Variants in TMOD2 observed in about 807,000 individuals in gnomAD.
TMOD2 encodes tropomodulin-2.
Under a neutral mutation model 39.9 loss-of-function variants are expected in TMOD2, and 22 were observed. That is an observed-to-expected ratio of 0.55 (90% CI 0.39 to 0.79). The LOEUF (loss-of-function observed/expected upper bound fraction) is 0.79, where lower values mean the gene tolerates loss of function less well. TMOD2 is among the 30% of genes least tolerant of loss of function. The pLI is 0.00. For missense variants in TMOD2, 386 were observed against 413.3 expected (o/e 0.93, Z 0.57); for synonymous variants, 123 against 146.1 (o/e 0.84, Z 1.14).
chr15:51,766,721 A>G, intron 2 of TMOD2, 154 bp downstream of exon 2: 1 of 756,832 alleles, frequency 1.3e-6, no homozygotes, highest in Non-Finnish European at 2.1e-6. Context: ...TTACAAATTC[A>G]TAGAGAACCT....
intron 5 of TMOD2, among the ~76,000 whole-genome samples, chr15:51,780,560 C>T (rs917557473): frequency 5.3e-5 from 8 of 151,874 alleles, no homozygotes; most frequent in African/African-American, 1.9e-4. Flanking sequence ...CTTTTTTATC[C>T]CTTTCTCTCC....
At chr15:51,757,743 T>G (rs1595860277) in intron 1 of TMOD2, among the ~76,000 whole-genome samples, 1 of 152,150 alleles carries the variant, frequency 6.6e-6, no homozygotes, top group Non-Finnish European at 1.5e-5. Context: ...TGGGAGCCCT[T>G]GGGCAGCCTT....
At chr15:51,781,229 T>TA in intron 6 of TMOD2, 55 bp downstream of exon 6, 1 of 1,507,702 alleles carries the variant, frequency 6.6e-7, no homozygotes, top group Non-Finnish European at 8.9e-7. Context: ...TCAGAAAACT[T>TA]ACCAGAGATG....
chr15:51,799,507 T>C (rs1288114872), intron 8 of TMOD2, among the ~76,000 whole-genome samples: 2 of 135,176 alleles, frequency 1.5e-5, no homozygotes, highest in Non-Finnish European at 3.3e-5. Context: ...TGATGTTTGT[T>C]GCCAGGGGAA....
At chr15:51,757,702 C>T (rs897930702) in intron 1 of TMOD2, among the ~76,000 whole-genome samples, 7 of 152,156 alleles carry the variant, frequency 4.6e-5, no homozygotes, top group Non-Finnish European at 8.8e-5. Context: ...TAACTTCCCA[C>T]GGCAGCATTG....
intron 8 of TMOD2, among the ~76,000 whole-genome samples, chr15:51,798,722 G>A (rs913442578): frequency 5.9e-5 from 9 of 152,160 alleles, no homozygotes; most frequent in African/African-American, 2.2e-4. Flanking sequence ...CTTCTCACTG[G>A]GACTGTTGCT....
chr15:51,791,471 C>T (rs1475482690), intron 7 of TMOD2, among the ~76,000 whole-genome samples: 2 of 152,252 alleles, frequency 1.3e-5, no homozygotes, highest in African/African-American at 2.4e-5. Context: ...CATCCAGCTA[C>T]TGCTGACTTT....
intron 3 of TMOD2, among the ~76,000 whole-genome samples, chr15:51,771,487 G>A (rs1007731434): frequency 1.3e-5 from 2 of 152,210 alleles, no homozygotes; most frequent in African/African-American, 4.8e-5. Flanking sequence ...TGTACTTCGT[G>A]TTTAGTACCA....
chr15:51,779,242 G>A (rs79989200), intron 5 of TMOD2, among the ~76,000 whole-genome samples: 4,822 of 152,246 alleles, frequency 0.032, 122 homozygotes, highest in Non-Finnish European at 0.05. Context: ...AAAGGGTAAC[G>A]TTCTGACAAT....
intron 7 of TMOD2, among the ~76,000 whole-genome samples, chr15:51,786,272 G>A (rs1345895580): frequency 6.6e-6 from 1 of 152,076 alleles, no homozygotes; most frequent in Middle Eastern, 3.2e-3. Context: ...TTTTAGGAAA[G>A]GTTTTCTTCG....
chr15:51,782,298 T>G (rs1422290137), intron 6 of TMOD2, among the ~76,000 whole-genome samples: 1 of 152,202 alleles, frequency 6.6e-6, no homozygotes, highest in Admixed American at 6.5e-5. Context: ...ATATTACATC[T>G]GAGTCTTGAA....
At chr15:51,763,873 T>C (rs1278091175) in intron 1 of TMOD2, among the ~76,000 whole-genome samples, 3 of 152,202 alleles carry the variant, frequency 2.0e-5, no homozygotes, top group Admixed American at 2.0e-4. Flanking sequence ...ATGTTAAATG[T>C]GGCAAAGTAT....
intron 6 of TMOD2, among the ~76,000 whole-genome samples, chr15:51,782,262 A>G (rs1361405169): frequency 1.3e-5 from 2 of 152,226 alleles, no homozygotes; most frequent in Non-Finnish European, 2.9e-5. Flanking sequence ...AATGCTACCT[A>G]GGAGATCCAG....
chr15:51,773,871 C>G (rs1369205332), intron 4 of TMOD2, 37 bp downstream of exon 4: 18 of 1,578,844 alleles, frequency 1.1e-5, no homozygotes, highest in Non-Finnish European at 1.2e-5. Flanking sequence ...CTGTCTGGCT[C>G]TATGACCTCC....
rs778315952 is a variant in TMOD2 at position 51,782,791 on chromosome 15, G to T, written c.695G>T (p.Ser232Ile). Residue 232 changes from serine (S) to isoleucine (I), a missense_variant, in exon 7 of 10, where the codon AGC (serine) becomes ATC (isoleucine). Physicochemically the swap from Ser to Ile is moderately radical, Grantham distance 142. Transcript: ENST00000249700. ...LETNTHVKKF[S>I]LAATRSNDPV... The stretch of plus-strand genomic sequence containing the variant: ...ACCAACACTCACGTGAAGAAGTTCA[G>T]CCTGGCCGCAACTCGCAGCAATGAC... 3 of 1,614,052 alleles carry T rather than the reference G, an allele frequency of 1.9e-6. No homozygotes were observed. The highest frequency in any genetic ancestry group is 2.5e-6 in the Non-Finnish European group (3 of 1,179,938).
intron 7 of TMOD2, among the ~76,000 whole-genome samples, chr15:51,794,957 A>G (rs1403679216): frequency 6.6e-6 from 1 of 152,170 alleles, no homozygotes; most frequent in African/African-American, 2.4e-5. Context: ...AGCATTTACA[A>G]TTATATGACT....
At chr15:51,788,961 A>T (rs1024410561) in intron 7 of TMOD2, among the ~76,000 whole-genome samples, 6 of 152,246 alleles carry the variant, frequency 3.9e-5, no homozygotes, top group African/African-American at 1.4e-4. Flanking sequence ...AATGGCAGCA[A>T]AATAACCAGC....
At chr15:51,776,784 T>C (rs1428670596) in intron 4 of TMOD2, 148 bp from the exon 5 acceptor site, 2 of 611,948 alleles carry the variant, frequency 3.3e-6, no homozygotes, top group African/African-American at 3.7e-5. Flanking sequence ...TATTTAACGC[T>C]ATACATGTAC....
intron 5 of TMOD2, 105 bp from the exon 6 acceptor site, chr15:51,780,939 T>G: frequency 1.2e-6 from 1 of 864,204 alleles, no homozygotes; most frequent in Non-Finnish European, 1.8e-6. Flanking sequence ...GCTATTAAAG[T>G]GTTATTGGAA....
Sources: allele counts gnomAD v4.1 joint callset (sites outside exome capture counted in the v4.1 genomes callset), GRCh38; gene constraint gnomAD v4.1.1; transcripts MANE v1.5; gene names NCBI Gene and HGNC (gene_info 2026-07-23, HGNC 2026-07-21).